CDH22: variants seen among roughly 807,000 people sequenced by gnomAD.
The protein encoded by CDH22 is cadherin 22, also known as cadherin-22.
CDH22 carries 30 observed loss-of-function variants against 58.4 expected under a neutral mutation model. That is an observed-to-expected ratio of 0.51 (90% CI 0.38 to 0.70). The LOEUF (loss-of-function observed/expected upper bound fraction) is 0.70, where lower values mean the gene tolerates loss of function less well. CDH22 is among the 30% of genes least tolerant of loss of function. The pLI, the probability that CDH22 is intolerant of heterozygous loss-of-function variation, is 0.00. For missense variants in CDH22, 1,014 were observed against 1,233.9 expected (o/e 0.82, Z 2.67); for synonymous variants, 513 against 558.2 (o/e 0.92, Z 1.14).
chr20:46,206,465 C>A (rs947198918), intron 7 of CDH22, among the ~76,000 whole-genome samples: 2 of 152,214 alleles, frequency 1.3e-5, no homozygotes, highest in Non-Finnish European at 2.9e-5. Context: ...ACTCACTGTG[C>A]CCTGCAAACC....
chr20:46,206,107 T>C (rs2086000421), intron 7 of CDH22, among the ~76,000 whole-genome samples: 1 of 152,154 alleles, frequency 6.6e-6, no homozygotes, highest in Admixed American at 6.5e-5. Flanking sequence ...GCTTTCCCAC[T>C]GGCCCATGTC....
At chr20:46,303,138 C>T (rs566733832) in intron 1 of CDH22, among the ~76,000 whole-genome samples, 1 of 152,330 alleles carries the variant, frequency 6.6e-6, no homozygotes, top group African/African-American at 2.4e-5. Flanking sequence ...TGGCTGCTGC[C>T]CACCTCGCTG....
intron 4 of CDH22, among the ~76,000 whole-genome samples, chr20:46,225,131 C>T (rs1039730851): frequency 6.6e-6 from 1 of 152,226 alleles, no homozygotes; most frequent in African/African-American, 2.4e-5. Context: ...ACGTGGCTCA[C>T]GGGAGTGTCG....
intron 1 of CDH22, among the ~76,000 whole-genome samples, chr20:46,267,601 G>A (rs1283339391): frequency 6.6e-6 from 1 of 152,238 alleles, no homozygotes; most frequent in African/African-American, 2.4e-5. Flanking sequence ...GCAGCTGAAT[G>A]GCGTCTCCCA....
chr20:46,192,924 C>G (rs976032818), intron 8 of CDH22, among the ~76,000 whole-genome samples: 2 of 151,944 alleles, frequency 1.3e-5, no homozygotes, highest in Non-Finnish European at 2.9e-5. Flanking sequence ...TGCCCCCCCC[C>G]AGTGGGAGCA....
intron 3 of CDH22, among the ~76,000 whole-genome samples, chr20:46,233,173 G>A (rs2086231211): frequency 6.6e-6 from 1 of 152,148 alleles, no homozygotes; most frequent in South Asian, 2.1e-4. Flanking sequence ...GGTGAAGTTT[G>A]GCCTGGTGGG....
At chr20:46,197,887 T>G (rs993103086) in intron 8 of CDH22, among the ~76,000 whole-genome samples, 1 of 151,796 alleles carries the variant, frequency 6.6e-6, no homozygotes, top group Admixed American at 6.6e-5. Context: ...GGATGGCAGC[T>G]AGGGGAGGAG....
intron 7 of CDH22, among the ~76,000 whole-genome samples, chr20:46,207,310 G>A (rs929574264): frequency 6.6e-6 from 1 of 152,202 alleles, no homozygotes. Context: ...GAGAGGGGGT[G>A]TGGAGAGTGG....
At chr20:46,201,258 C>T (rs960768177) in intron 7 of CDH22, among the ~76,000 whole-genome samples, 1 of 152,230 alleles carries the variant, frequency 6.6e-6, no homozygotes, top group Non-Finnish European at 1.5e-5. Context: ...AGCCACCCGG[C>T]CCCTCCCACA....
chr20:46,209,541 A>G (rs573208082), intron 7 of CDH22, among the ~76,000 whole-genome samples: 1 of 152,260 alleles, frequency 6.6e-6, no homozygotes, highest in East Asian at 1.9e-4. Flanking sequence ...ATTCTAGGTT[A>G]AAGAGGGGTG....
intron 7 of CDH22, among the ~76,000 whole-genome samples, chr20:46,208,448 G>C (rs2086016223): frequency 6.6e-6 from 1 of 152,048 alleles, no homozygotes; most frequent in South Asian, 2.1e-4. Context: ...CACATTGCCA[G>C]GTCAGTCCCT....
intron 1 of CDH22, among the ~76,000 whole-genome samples, chr20:46,271,989 A>T (rs894011873): frequency 2.6e-5 from 4 of 151,526 alleles, no homozygotes; most frequent in Non-Finnish European, 5.9e-5. Flanking sequence ...CCTAAAACTG[A>T]CTCTTCTCTG....
chr20:46,307,053 G>T (rs2086680963), intron 1 of CDH22, among the ~76,000 whole-genome samples: 1 of 152,222 alleles, frequency 6.6e-6, no homozygotes, highest in African/African-American at 2.4e-5. Flanking sequence ...GCCTGTGCTG[G>T]GGGCACCTCG....
At chr20:46,175,251 T>G (rs1411045767) in intron 11 of CDH22, among the ~76,000 whole-genome samples, 174 bp from the exon 12 acceptor site, 1 of 152,184 alleles carries the variant, frequency 6.6e-6, no homozygotes, top group Non-Finnish European at 1.5e-5. Flanking sequence ...AGAACTGAGC[T>G]GAGTGTCTGG....
Position 46,241,207 on chromosome 20 carries a change from T to C in CDH22, c.306A>G (p.Ser102=), listed in dbSNP as rs199560730. Residue 102 remains serine (S), a synonymous_variant, in exon 3 of 12, where the codon TCA becomes TCG. Transcript: ENST00000537909. This position sits in a 1 kb window ranked among gnomAD's most constrained non-coding sequence, Gnocchi z 5.2. ...GGAAGATGGTCCCAGCACCCTCGCC[T>C]GAGATGGTGTACTTGATGGCCCCGT... ...EGDGAIKYTI[S]GEGAGTIFLI... 2 of 1,613,648 alleles carry C rather than the reference T, an allele frequency of 1.2e-6. No individual in the cohort carries two copies. The highest frequency in any genetic ancestry group is 2.7e-5 in the African/African-American group (2 of 75,036).
intron 8 of CDH22, among the ~76,000 whole-genome samples, 194 bp downstream of exon 8, chr20:46,199,229 G>A (rs1355390753): frequency 6.6e-6 from 1 of 152,220 alleles, no homozygotes; most frequent in Non-Finnish European, 1.5e-5. Flanking sequence ...ATCAGCTTTT[G>A]CCCTCGCCTT....
chr20:46,289,482 A>C (rs1437534855), intron 1 of CDH22, among the ~76,000 whole-genome samples: 1 of 152,120 alleles, frequency 6.6e-6, no homozygotes, highest in Non-Finnish European at 1.5e-5. Context: ...TGCTCAGTGG[A>C]TATTTCTTGA....
intron 2 of CDH22, among the ~76,000 whole-genome samples, chr20:46,247,300 C>G (rs1238912832): frequency 1.3e-5 from 2 of 152,038 alleles, no homozygotes; most frequent in Non-Finnish European, 2.9e-5. Flanking sequence ...GAGCTAGGTC[C>G]CAGTAATAGC....
chr20:46,176,103 C>T (rs2085736427), intron 11 of CDH22, among the ~76,000 whole-genome samples: 1 of 152,208 alleles, frequency 6.6e-6, no homozygotes, highest in Non-Finnish European at 1.5e-5. Flanking sequence ...ATCACTCATT[C>T]TCAATCTTCT....
Sources: gnomAD v4.1 joint callset for allele counts (sites outside exome capture counted in the v4.1 genomes callset) on GRCh38, gnomAD v4.1.1 for gene constraint, Gnocchi (gnomAD v3.1) non-coding constraint, MANE v1.5 for transcripts, NCBI Gene and HGNC (gene_info 2026-07-23, HGNC 2026-07-21) for gene names.